ASNS: variants seen among roughly 807,000 people sequenced by gnomAD.
ASNS encodes asparagine synthetase (glutamine-hydrolyzing).
Under a neutral mutation model 62.6 loss-of-function variants are expected in ASNS, and 37 were observed. The observed-to-expected ratio is 0.59, with a 90% confidence interval of 0.45 to 0.78. The LOEUF (loss-of-function observed/expected upper bound fraction) is 0.78. Ranked by LOEUF, ASNS falls within the 30% of genes least tolerant of loss-of-function variation. ASNS has a pLI of 0.00. For missense variants in ASNS, 520 were observed against 682.4 expected (o/e 0.76, Z 2.65); for synonymous variants, 207 against 237.9 (o/e 0.87, Z 1.19).
chr7:97,877,770 C>T, the ASNS span, among the ~76,000 whole-genome samples: 18,535 of 151,614 alleles, frequency 0.12, 720 homozygotes, highest in Admixed American at 0.25. Context: ...GTCTGGCCCA[C>T]CTAAGATCAT....
the ASNS span, among the ~76,000 whole-genome samples, chr7:97,925,929 G>A: frequency 2.0e-5 from 3 of 152,070 alleles, no homozygotes; most frequent in Admixed American, 6.5e-5. Flanking sequence ...ATTCACAAGC[G>A]GTCAATAAAG....
At chr7:97,870,990 A>G (rs1304879453) in intron 1 of ASNS, among the ~76,000 whole-genome samples, 1 of 152,206 alleles carries the variant, frequency 6.6e-6, no homozygotes, top group Admixed American at 6.5e-5. Flanking sequence ...TACTGCCGCT[A>G]CCTGTTCTCA....
the ASNS span, among the ~76,000 whole-genome samples, chr7:97,920,375 T>C: frequency 6.7e-6 from 1 of 148,216 alleles, no homozygotes; most frequent in African/African-American, 2.5e-5. Context: ...CCTGCCCCCC[T>C]CCAGAGCTGT....
At chr7:97,893,090 C>T in the ASNS span, among the ~76,000 whole-genome samples, 16 of 152,152 alleles carry the variant, frequency 1.1e-4, no homozygotes, top group Non-Finnish European at 1.9e-4. Flanking sequence ...AAAATCATTG[C>T]GGAAGTCAAG....
the ASNS span, among the ~76,000 whole-genome samples, chr7:97,883,861 G>A: frequency 4.6e-5 from 7 of 151,920 alleles, no homozygotes; most frequent in African/African-American, 1.5e-4. Flanking sequence ...GGTGGCGGGC[G>A]CCTGTAGTCG....
At chr7:97,924,862 C>T in the ASNS span, among the ~76,000 whole-genome samples, 23 of 151,846 alleles carry the variant, frequency 1.5e-4, no homozygotes, top group African/African-American at 3.1e-4. Context: ...CCCAGCCCAG[C>T]GTGGTGGCTC....
chr7:97,857,412 T>C (rs1791497866), intron 7 of ASNS, among the ~76,000 whole-genome samples: 1 of 152,094 alleles, frequency 6.6e-6, no homozygotes, highest in Non-Finnish European at 1.5e-5. Context: ...TCAAAAATAA[T>C]AATAACAGCT....
chr7:97,888,583 T>G, the ASNS span, among the ~76,000 whole-genome samples: 1 of 152,210 alleles, frequency 6.6e-6, no homozygotes, highest in Non-Finnish European at 1.5e-5. Flanking sequence ...CGTTTGCATC[T>G]TTATGGAAAA....
At chr7:97,912,343 T>G in the ASNS span, among the ~76,000 whole-genome samples, 1 of 152,188 alleles carries the variant, frequency 6.6e-6, no homozygotes, top group Non-Finnish European at 1.5e-5. Context: ...AGGGCTGTTT[T>G]TTTGAGTTTT....
intron 8 of ASNS, 51 bp from the exon 9 acceptor site, chr7:97,855,510 A>G: frequency 7.3e-7 from 1 of 1,378,738 alleles, no homozygotes; most frequent in Non-Finnish European, 1.0e-6. Flanking sequence ...CCTTCCACCA[A>G]AAATGCCTTT....
At chr7:97,862,643 T>C (rs982490374) in intron 4 of ASNS, among the ~76,000 whole-genome samples, 5 of 152,016 alleles carry the variant, frequency 3.3e-5, no homozygotes, top group Non-Finnish European at 7.4e-5. Context: ...TATCAGTTCA[T>C]CAAATCTAAT....
chr7:97,895,169 C>T, the ASNS span, among the ~76,000 whole-genome samples: 7 of 152,306 alleles, frequency 4.6e-5, no homozygotes, highest in Admixed American at 4.6e-4. Context: ...TAAAACTTAC[C>T]ATTCCTTCAT....
the ASNS span, among the ~76,000 whole-genome samples, chr7:97,897,119 A>G: frequency 6.6e-6 from 1 of 152,204 alleles, no homozygotes; most frequent in Non-Finnish European, 1.5e-5. Context: ...TGTATCGCTA[A>G]CACTTAAAAG....
At chr7:97,871,937 G>C (rs1168410936) in intron 1 of ASNS, 2 of 152,230 alleles carry the variant, frequency 1.3e-5, no homozygotes, top group African/African-American at 4.8e-5. Context: ...CTGCGCCCTG[G>C]CCACGAGCAC....
chr7:97,915,827 C>T, the ASNS span, among the ~76,000 whole-genome samples: 1 of 152,186 alleles, frequency 6.6e-6, no homozygotes, highest in Non-Finnish European at 1.5e-5. Context: ...ATAATCACAG[C>T]ACCGACCTCA....
chr7:97,885,881 C>T, the ASNS span: 7 of 506,258 alleles, frequency 1.4e-5, no homozygotes, highest in African/African-American at 1.2e-4. Context: ...ATGGCAGCAG[C>T]CCATATGGGG....
At position 97,857,755 on chromosome 7, in the gene ASNS, T is replaced by C. The variant is rs867700986; in HGVS notation, c.903+523A>G. On this transcript the variant is annotated intron_variant, in intron 7 of 12. Coordinates refer to ENST00000394308, the MANE Select transcript of ASNS (RefSeq NM_001673.5). ...ACAGCCTCCCAAGTATCTGGGACTA[T>C]AGGTGTGTGCCACTGCACCTGACTT... 2.6e-5 allele frequency among the ~76,000 whole-genome samples: 4 copies of C among 152,058 alleles called. No homozygotes were observed. The East Asian group carries it at 7.7e-4, about 29-fold the overall frequency.
At chr7:97,879,675 C>A in the ASNS span, among the ~76,000 whole-genome samples, 1 of 152,166 alleles carries the variant, frequency 6.6e-6, no homozygotes, top group Non-Finnish European at 1.5e-5. Flanking sequence ...ACCAGTCAAG[C>A]CTCCAGATGA....
the ASNS span, among the ~76,000 whole-genome samples, chr7:97,880,502 G>T: frequency 6.6e-6 from 1 of 152,140 alleles, no homozygotes; most frequent in South Asian, 2.1e-4. Context: ...AGGAAAGGGC[G>T]AACACAGGGG....
Sources: allele counts gnomAD v4.1 joint callset (sites outside exome capture counted in the v4.1 genomes callset), GRCh38; gene constraint gnomAD v4.1.1; transcripts MANE v1.5; gene names NCBI Gene and HGNC (gene_info 2026-07-23, HGNC 2026-07-21).